The following NUDCD1 variants were observed in gnomAD, a reference collection of about 807,000 sequenced individuals.
NUDCD1 encodes NudC domain containing 1.
In NUDCD1, 60 loss-of-function variants were observed where a neutral mutation model predicts 67.8. That is an observed-to-expected ratio of 0.88 (90% CI 0.72 to 1.10). NUDCD1 has a LOEUF of 1.10. NUDCD1 is among the 50% of genes least tolerant of loss of function. NUDCD1 has a pLI of 0.00. For missense variants in NUDCD1, 643 were observed against 695.0 expected, an observed-to-expected ratio of 0.93 and a Z score of 0.84; for synonymous variants, 244 against 230.8, an observed-to-expected ratio of 1.06 and a Z score of -0.52.
At chr8:109,259,094 G>A (rs1395176028) in intron 8 of NUDCD1, among the ~76,000 whole-genome samples, 1 of 152,152 alleles carries the variant, frequency 6.6e-6, no homozygotes, top group Non-Finnish European at 1.5e-5. Flanking sequence ...CTAAATATAA[G>A]TCCTTAATTC....
chr8:109,282,655 G>A (rs1239293189), intron 5 of NUDCD1, among the ~76,000 whole-genome samples: 5 of 150,828 alleles, frequency 3.3e-5, no homozygotes. Context: ...GATACAGGGA[G>A]GGGAACATCA....
chr8:109,318,599 G>A (rs1815458979), intron 2 of NUDCD1, among the ~76,000 whole-genome samples: 1 of 141,962 alleles, frequency 7.0e-6, no homozygotes, highest in Non-Finnish European at 1.6e-5. Context: ...TAATATCTAA[G>A]AGTAAGAGGC....
At chr8:109,243,516 C>G (rs557411261) in intron 9 of NUDCD1, among the ~76,000 whole-genome samples, 11 of 152,208 alleles carry the variant, frequency 7.2e-5, no homozygotes, top group African/African-American at 2.6e-4. Context: ...TCCTAAGGAA[C>G]AAAACAGATA....
rs118109346 is a variant in NUDCD1, at chr8:109,319,439, C to T, written c.273+2870G>A. On this transcript the variant is annotated intron_variant, in intron 2 of 9. Transcript: ENST00000239690. ...GCCTTGTGCAGAAAAGCGTATCAACCTCTAGAATAGAAGAAATTCACAGCA... is the reference window on the plus strand; with the variant it reads ...GCCTTGTGCAGAAAAGCGTATCAACTTCTAGAATAGAAGAAATTCACAGCA... Among the ~76,000 whole-genome samples the T allele has an allele frequency of 5.3e-5, 8 of 152,304 alleles. No homozygotes were observed. In the East Asian group the frequency reaches 1.5e-3, roughly 29 times the overall value.
chr8:109,245,270 T>C (rs992705957), intron 9 of NUDCD1, 52 bp downstream of exon 9: 1 of 1,512,018 alleles, frequency 6.6e-7, no homozygotes, highest in Non-Finnish European at 9.1e-7. Context: ...TTTAAATGAA[T>C]GATGACTGTA....
intron 7 of NUDCD1, among the ~76,000 whole-genome samples, chr8:109,273,054 T>G (rs190767324): frequency 3.3e-5 from 5 of 152,244 alleles, no homozygotes; most frequent in Admixed American, 6.5e-5. Flanking sequence ...AGGACAAGAT[T>G]AGAGAGACAA....
At chr8:109,273,429 A>G (rs11998117) in intron 7 of NUDCD1, among the ~76,000 whole-genome samples, 11,032 of 152,030 alleles carry the variant, frequency 0.073, 1,303 homozygotes, top group African/African-American at 0.25. Context: ...TAGTGCTTAG[A>G]AGGATATGTA....
intron 8 of NUDCD1, among the ~76,000 whole-genome samples, chr8:109,270,090 A>AGGGGGAGGGGGGGGGGGGGGGGG (rs1563665962): frequency 1.3e-4 from 1 of 7,612 alleles, no homozygotes; most frequent in Non-Finnish European, 2.5e-4. Context: ...GGGTGCCTTA[A>AGGGGGAGGGGGGGGGGGGGGGGG]GGTGGGGTGT....
At chr8:109,282,383 G>T (rs1705546263) in intron 5 of NUDCD1, among the ~76,000 whole-genome samples, 1 of 152,080 alleles carries the variant, frequency 6.6e-6, no homozygotes, top group Non-Finnish European at 1.5e-5. Flanking sequence ...GCCAACAGAA[G>T]TGCATAGGGC....
At chr8:109,331,271 T>C (rs1197753288) in intron 1 of NUDCD1, among the ~76,000 whole-genome samples, 3 of 151,412 alleles carry the variant, frequency 2.0e-5, no homozygotes, top group Non-Finnish European at 2.9e-5. Flanking sequence ...GAGGCGGAAG[T>C]TGCAGTGAGC....
intron 2 of NUDCD1, among the ~76,000 whole-genome samples, chr8:109,296,926 T>C (rs895160310): frequency 1.3e-4 from 20 of 152,304 alleles, no homozygotes; most frequent in African/African-American, 3.6e-4. Context: ...CAATCAGCAT[T>C]CCATGAGTTA....
chr8:109,308,568 G>A (rs1383702829), intron 2 of NUDCD1, among the ~76,000 whole-genome samples: 1 of 152,060 alleles, frequency 6.6e-6, no homozygotes, highest in Non-Finnish European at 1.5e-5. Flanking sequence ...CAAATAAAAT[G>A]CATAGACCAT....
chr8:109,249,252 A>G (rs999041796), intron 8 of NUDCD1, among the ~76,000 whole-genome samples: 1 of 152,210 alleles, frequency 6.6e-6, no homozygotes, highest in Non-Finnish European at 1.5e-5. Flanking sequence ...AATAAGTATT[A>G]ATGTTAATTA....
intron 1 of NUDCD1, among the ~76,000 whole-genome samples, chr8:109,325,951 G>C (rs143392169): frequency 2.2e-4 from 34 of 152,322 alleles, no homozygotes; most frequent in African/African-American, 7.9e-4. Flanking sequence ...AGATTTGATA[G>C]AGGTTGAGGA....
At chr8:109,260,916 C>T (rs1302624350) in intron 8 of NUDCD1, among the ~76,000 whole-genome samples, 1 of 152,120 alleles carries the variant, frequency 6.6e-6, no homozygotes, top group Non-Finnish European at 1.5e-5. Context: ...TCTTGATTAC[C>T]AACAAGTCTT....
At chr8:109,316,538 T>G (rs1277883143) in intron 2 of NUDCD1, 1 of 152,172 alleles carries the variant, frequency 6.6e-6, no homozygotes, top group Non-Finnish European at 1.5e-5. Flanking sequence ...CAAAAAAAAT[T>G]ATTAAACAAT....
chr8:109,281,623 G>A (rs1398217858), intron 5 of NUDCD1, among the ~76,000 whole-genome samples: 1 of 152,156 alleles, frequency 6.6e-6, no homozygotes, highest in Non-Finnish European at 1.5e-5. Flanking sequence ...GGAATGGGAG[G>A]ATGTGCAAAA....
At chr8:109,329,893 C>G in intron 1 of NUDCD1, 1 of 1,542,784 alleles carries the variant, frequency 6.5e-7, no homozygotes. Flanking sequence ...GCAAAGAAAA[C>G]ATACTGGATG....
chr8:109,293,577 G>A lies in NUDCD1; in HGVS notation c.460-53C>T, dbSNP rs1586285268. On this transcript the variant is annotated intron_variant, in intron 3 of 9. Transcript: ENST00000239690. The stretch of plus-strand genomic sequence containing the variant: ...AAGTGTACATAATTACATGAACACA[G>A]ATAGCATAGAGGGAATATATAGGAT... 4 of 952,616 alleles carry A rather than the reference G, an allele frequency of 4.2e-6. No individual in the cohort carries two copies. In the East Asian group the frequency reaches 1.1e-4, roughly 26 times the overall value. The allele number at this position is 952,616 out of a possible 1,614,324, so 59.0% of individuals were successfully genotyped here.
Sources: gnomAD v4.1 joint callset for allele counts (sites outside exome capture counted in the v4.1 genomes callset) on GRCh38, gnomAD v4.1.1 for gene constraint, MANE v1.5 for transcripts, NCBI Gene and HGNC (gene_info 2026-07-23, HGNC 2026-07-21) for gene names.